Variants in TOP2B observed in about 807,000 individuals in gnomAD.
TOP2B encodes the protein DNA topoisomerase II beta.
TOP2B carries 51 observed loss-of-function variants against 193.5 expected under a neutral mutation model. That is an observed-to-expected ratio of 0.26 (90% confidence interval 0.21 to 0.33). TOP2B has a LOEUF of 0.33. Ranked by LOEUF, TOP2B falls within the 10% of genes least tolerant of loss-of-function variation. The pLI is 1.00. For synonymous variants in TOP2B, 634 were observed against 635.7 expected (o/e 1.00, Z 0.04); for missense variants, 1,378 against 1,909.3 (o/e 0.72, Z 5.19).
Position 25,636,141 on chromosome 3 carries a change from A to G in TOP2B, c.647T>C (p.Met216Thr). ...TTCAGAAGTCTTCATCATATTATTC[A>G]TCCATGTCTTTAAAAGAAAAAAATT... ...EYKHSFKQTW[M>T]NNMMKTSEAK... Residue 216 changes from methionine (M) to threonine (T), a missense_variant, in exon 7 of 36, where the codon ATG becomes ACG. Physicochemically the swap from Met to Thr is moderately conservative, Grantham distance 81 (BLOSUM62 -1). Coordinates refer to ENST00000264331, the MANE Select transcript of TOP2B (RefSeq NM_001330700.2). 1 of 1,574,890 alleles carries G rather than the reference A, an allele frequency of 6.3e-7. No individual in the cohort carries two copies.
Position 25,620,463 on chromosome 3 carries a change from G to A in TOP2B, c.2862+219C>T, listed in dbSNP as rs368242237. Among the ~76,000 whole-genome samples the A allele has an allele frequency of 1.6e-4, 24 of 152,098 alleles. 1 individual carries two copies. The highest frequency in any genetic ancestry group is 5.3e-4 in the African/African-American group (22 of 41,494). ...ATTTTAAATAAATACAAAGATAATAGTCTATAAAAGCCTTACCTAACATAA... is the reference window on the plus strand; with the variant it reads ...ATTTTAAATAAATACAAAGATAATAATCTATAAAAGCCTTACCTAACATAA... On this transcript the variant is annotated intron_variant, in intron 22 of 35. Transcript: ENST00000264331.
intron 10 of TOP2B, among the ~76,000 whole-genome samples, chr3:25,631,987 GAAGTT>G (rs1702972043): frequency 6.6e-6 from 1 of 151,980 alleles, no homozygotes; most frequent in Admixed American, 6.6e-5. Context: ...TTATTTTAGA[GAAGTT>G]AAGGTAGCCT....
chr3:25,653,050 A>T (rs1305789380), intron 1 of TOP2B, among the ~76,000 whole-genome samples: 9 of 152,336 alleles, frequency 5.9e-5, no homozygotes, highest in African/African-American at 2.2e-4. Context: ...AGAAGAAATG[A>T]ATACATTCCA....
chr3:25,624,183 T>C, intron 20 of TOP2B, 114 bp downstream of exon 20: 2 of 1,268,258 alleles, frequency 1.6e-6, no homozygotes, highest in Admixed American at 4.5e-5. Context: ...ATTCACCTTC[T>C]AAGTAGAATA....
chr3:25,604,450 G>A (rs1368902072), intron 33 of TOP2B, among the ~76,000 whole-genome samples: 1 of 151,982 alleles, frequency 6.6e-6, no homozygotes, highest in African/African-American at 2.4e-5. Flanking sequence ...GATAACAGAA[G>A]CAAGCTACTA....
intron 1 of TOP2B, among the ~76,000 whole-genome samples, chr3:25,654,858 A>G (rs1023212195): frequency 8.5e-5 from 13 of 152,214 alleles, no homozygotes; most frequent in African/African-American, 3.1e-4. Context: ...GGAAAACTGG[A>G]TAACAAGCAA....
In TOP2B at chr3:25,607,321, T is replaced by TCAG; in HGVS notation, c.4145_4147dup (p.Ala1382dup). ...ATCATTATTGTCATCATCATCATCATCAGCATCATCATCCTCTTCTTCTGA... is the reference window on the plus strand; with the variant it reads ...ATCATTATTGTCATCATCATCATCATCAGCAGCATCATCATCCTCTTCTTCTGA... On this transcript the variant is annotated inframe_insertion, in exon 31 of 36. Transcript: ENST00000264331. 1 of 1,552,108 alleles carries TCAG rather than the reference T, an allele frequency of 6.4e-7. No individual in the cohort carries two copies. Among genetic ancestry groups the TCAG allele is most frequent in the Non-Finnish European group, 8.7e-7 (1 of 1,146,648 alleles).
At chr3:25,655,804 C>G (rs1473180569) in intron 1 of TOP2B, among the ~76,000 whole-genome samples, 1 of 152,030 alleles carries the variant, frequency 6.6e-6, no homozygotes, top group Non-Finnish European at 1.5e-5. Context: ...TGTATGATTA[C>G]AATCATATAA....
intron 1 of TOP2B, among the ~76,000 whole-genome samples, chr3:25,660,222 C>G (rs79893825): frequency 7.2e-4 from 110 of 152,242 alleles, no homozygotes; most frequent in African/African-American, 2.6e-3. Context: ...TGACAGAAGA[C>G]TTTTTAGGAA....
chr3:25,656,505 G>A (rs1015083676), intron 1 of TOP2B, among the ~76,000 whole-genome samples: 11 of 151,904 alleles, frequency 7.2e-5, no homozygotes, highest in Non-Finnish European at 8.8e-5. Flanking sequence ...AAACTTGGAC[G>A]TTTCAATGAG....
Position 25,614,595 on chromosome 3 carries a change from T to C in TOP2B, c.3591+610A>G, listed in dbSNP as rs564251602. ...ACCACTGAAGTAAAAGTAGAGCATG[T>C]AGACAATAAATCAACAAAGCAACTT... On this transcript the variant is annotated intron_variant, in intron 27 of 35. Coordinates refer to ENST00000264331, the MANE Select transcript of TOP2B (RefSeq NM_001330700.2). Among the ~76,000 whole-genome samples, 880 of 151,932 alleles carry C rather than the reference T, an allele frequency of 5.8e-3. 14 individuals are homozygous for C. Among genetic ancestry groups the C allele is most frequent in the African/African-American group, 0.02 (841 of 41,492 alleles).
intron 34 of TOP2B, among the ~76,000 whole-genome samples, chr3:25,600,803 T>C (rs568903564): frequency 1.4e-4 from 22 of 152,306 alleles, no homozygotes; most frequent in Middle Eastern, 6.8e-3. Flanking sequence ...GATCTGACTT[T>C]TTAATAACAA....
chr3:25,625,897 T>C (rs1431772906), intron 18 of TOP2B, among the ~76,000 whole-genome samples: 3 of 152,220 alleles, frequency 2.0e-5, no homozygotes, highest in East Asian at 1.9e-4. Context: ...TAATAATTGG[T>C]ATAGAAGTTT....
intron 7 of TOP2B, among the ~76,000 whole-genome samples, 159 bp downstream of exon 7, chr3:25,635,777 G>A (rs1211005226): frequency 1.3e-5 from 2 of 152,126 alleles, no homozygotes; most frequent in Non-Finnish European, 2.9e-5. Context: ...AGCATTATTT[G>A]AAGAAATAAT....
At chr3:25,620,133 G>A (rs1389468580) in intron 22 of TOP2B, 71 bp from the exon 23 acceptor site, 3 of 1,031,276 alleles carry the variant, frequency 2.9e-6, no homozygotes, top group Non-Finnish European at 1.4e-6. Context: ...AAGTCATACA[G>A]TCTTGAAAAT....
chr3:25,602,687 T>C lies in TOP2B; in HGVS notation c.4490-1462A>G, dbSNP rs79205274. ...ACCACAAGAACCACAGGGCAGCTCC[T>C]AGCAGGGAGTATAAACTTAGCCAGG... On this transcript the variant is annotated intron_variant, in intron 33 of 35. Coordinates refer to ENST00000264331, the MANE Select transcript of TOP2B (RefSeq NM_001330700.2). Among the ~76,000 whole-genome samples, 117 of 152,268 alleles carry C rather than the reference T, an allele frequency of 7.7e-4. No individual in the cohort carries two copies. The East Asian group carries it at 0.021, about 27-fold the overall frequency.
chr3:25,642,108 T>C (rs1038610405), intron 4 of TOP2B, among the ~76,000 whole-genome samples: 3 of 152,056 alleles, frequency 2.0e-5, no homozygotes, highest in African/African-American at 7.2e-5. Flanking sequence ...ATACACAGCA[T>C]CAAAGAAAAA....
Position 25,642,573 on chromosome 3 carries a change from C to T in TOP2B, c.332-188G>A, listed in dbSNP as rs558627048. On this transcript the variant is annotated intron_variant, in intron 3 of 35. Transcript: ENST00000264331. ...AATATTCCTAAATTGTATTATCACA[C>T]CAAATTACTGTTATGTTTTCCACCA... Among the ~76,000 whole-genome samples the T allele has an allele frequency of 8.6e-4, 131 of 151,870 alleles. 2 individuals are homozygous for T. The highest frequency in any genetic ancestry group is 3.7e-4 in the Non-Finnish European group (25 of 67,934).
intron 20 of TOP2B, among the ~76,000 whole-genome samples, chr3:25,624,088 A>C (rs905898807): frequency 6.6e-6 from 1 of 152,202 alleles, no homozygotes; most frequent in Non-Finnish European, 1.5e-5. Flanking sequence ...AAACATCCTT[A>C]ATTCACTAGG....
Sources: allele counts gnomAD v4.1 joint callset (sites outside exome capture counted in the v4.1 genomes callset), GRCh38; gene constraint gnomAD v4.1.1; transcripts MANE v1.5; gene names NCBI Gene and HGNC (gene_info 2026-07-23, HGNC 2026-07-21).